ALPK2: variants seen among roughly 807,000 people sequenced by gnomAD.
ALPK2 encodes alpha-protein kinase 2.
A neutral mutation model predicts 163.1 loss-of-function variants in ALPK2; 127 were observed. The observed-to-expected ratio is 0.78, with a 90% CI of 0.67 to 0.90. ALPK2 has a LOEUF of 0.90. Among genes scored for constraint, ALPK2 ranks in the 40% least tolerant of loss-of-function variants. The pLI, the probability that ALPK2 is intolerant of heterozygous loss-of-function variation, is 0.00. For missense variants in ALPK2, 2,360 were observed against 2,589.6 expected (o/e 0.91, Z 1.92); for synonymous variants, 953 against 959.1 (o/e 0.99, Z 0.12).
chr18:58,484,697 T>C (rs928032456), intron 12 of ALPK2, among the ~76,000 whole-genome samples: 11 of 152,190 alleles, frequency 7.2e-5, no homozygotes, highest in Non-Finnish European at 1.5e-4. Context: ...TGAGACGAGA[T>C]CGCGCCACTG....
chr18:58,541,066 T>C (rs568469645), intron 4 of ALPK2, among the ~76,000 whole-genome samples: 1 of 152,358 alleles, frequency 6.6e-6, no homozygotes, highest in African/African-American at 2.4e-5. Flanking sequence ...TTGAGATTTA[T>C]TTGCACCTTT....
At chr18:58,572,119 C>T (rs1240284667) in intron 4 of ALPK2, among the ~76,000 whole-genome samples, 1 of 151,638 alleles carries the variant, frequency 6.6e-6, no homozygotes, top group Non-Finnish European at 1.5e-5. Flanking sequence ...AGAAAATATA[C>T]AACTGGCAAA....
At chr18:58,621,551 G>T (rs568079188) in intron 1 of ALPK2, among the ~76,000 whole-genome samples, 121 of 152,300 alleles carry the variant, frequency 7.9e-4, no homozygotes, top group Non-Finnish European at 5.9e-5. Flanking sequence ...GATTACAGGC[G>T]TGAGCCACTG....
chr18:58,487,487 T>C (rs1361844837), intron 12 of ALPK2, among the ~76,000 whole-genome samples: 1 of 152,200 alleles, frequency 6.6e-6, no homozygotes, highest in African/African-American at 2.4e-5. Context: ...GTGAGGCTCT[T>C]GGTTTGTGGT....
intron 4 of ALPK2, among the ~76,000 whole-genome samples, chr18:58,554,018 A>G (rs757185454): frequency 7.2e-5 from 11 of 151,742 alleles, no homozygotes; most frequent in African/African-American, 9.7e-5. Flanking sequence ...TGCGCCACAA[A>G]GCCTGGCTAA....
At chr18:58,545,897 A>C (rs1414006570) in intron 4 of ALPK2, among the ~76,000 whole-genome samples, 1 of 152,152 alleles carries the variant, frequency 6.6e-6, no homozygotes, top group African/African-American at 2.4e-5. Flanking sequence ...AACCTTTCCT[A>C]AATATCTGCT....
rs138103124 is a variant in ALPK2 at position 58,538,011 on chromosome 18, C to G, written c.2176G>C (p.Asp726His). Residue 726 changes from aspartate to histidine, a missense_variant, in exon 5 of 13, where the codon GAT becomes CAT. By Grantham distance (81) the Asp-to-His change is moderately conservative. Coordinates refer to ENST00000361673, the MANE Select transcript of ALPK2 (RefSeq NM_052947.4). ...CTGAAATTGTCAGGTATGTTGCCAT[C>G]TCTGTCTTGTTTTTCTTCATGCTGT... The part of the protein sequence containing the change: ...GPQHEEKQDR[D>H]GNIPDNFRED... 6.2e-7 allele frequency: 1 copy of G among 1,614,092 alleles called. No individual in the cohort carries two copies. The highest frequency in any genetic ancestry group is 8.5e-7 in the Non-Finnish European group (1 of 1,180,040).
intron 11 of ALPK2, among the ~76,000 whole-genome samples, chr18:58,499,400 G>A (rs2051419970): frequency 6.6e-6 from 1 of 152,162 alleles, no homozygotes; most frequent in Non-Finnish European, 1.5e-5. Context: ...GTAGTGGAAA[G>A]AGCCACCCTC....
At chr18:58,554,808 G>A (rs2051781193) in intron 4 of ALPK2, among the ~76,000 whole-genome samples, 1 of 152,096 alleles carries the variant, frequency 6.6e-6, no homozygotes, top group Admixed American at 6.5e-5. Flanking sequence ...TTGAATTGTA[G>A]CTCCCATAAT....
chr18:58,517,833 A>T (rs925320574), intron 8 of ALPK2, among the ~76,000 whole-genome samples: 1 of 152,258 alleles, frequency 6.6e-6, no homozygotes, highest in Non-Finnish European at 1.5e-5. Flanking sequence ...AAAACAAAAA[A>T]ATAATAAAAA....
chr18:58,522,346 G>A (rs899988451), intron 8 of ALPK2, among the ~76,000 whole-genome samples: 2 of 152,154 alleles, frequency 1.3e-5, no homozygotes, highest in Non-Finnish European at 2.9e-5. Context: ...CCAACCCTCA[G>A]CATGTTGTTA....
chr18:58,497,457 G>T (rs947530278), intron 12 of ALPK2, among the ~76,000 whole-genome samples: 4 of 152,152 alleles, frequency 2.6e-5, no homozygotes, highest in African/African-American at 9.7e-5. Context: ...CCAGTAAAAT[G>T]TGATCATAGC....
chr18:58,590,046 C>T (rs997397065), intron 3 of ALPK2, among the ~76,000 whole-genome samples: 4 of 151,766 alleles, frequency 2.6e-5, no homozygotes, highest in Non-Finnish European at 5.9e-5. Flanking sequence ...GTTGAAACCT[C>T]GTCTTTACTA....
chr18:58,547,857 A>G (rs1308243074), intron 4 of ALPK2, among the ~76,000 whole-genome samples: 1 of 152,224 alleles, frequency 6.6e-6, no homozygotes, highest in African/African-American at 2.4e-5. Context: ...ACGTCCCACA[A>G]ACTGAAACTT....
At chr18:58,616,781 G>T (rs1198396106) in intron 1 of ALPK2, among the ~76,000 whole-genome samples, 2 of 152,142 alleles carry the variant, frequency 1.3e-5, no homozygotes, top group Non-Finnish European at 2.9e-5. Flanking sequence ...CAGTAAATGT[G>T]TTTCCCTGAG....
rs556007492 is a variant in ALPK2, at chr18:58,549,241, A to G, written c.1963-11017T>C. ...CAGGCACCATGCACTGAAAGTGAGG[A>G]TGTCCAGTTTACCCTGGGCACAGAG... On this transcript the variant is annotated intron_variant, in intron 4 of 12. Transcript: ENST00000361673. Among the ~76,000 whole-genome samples, 19 of 152,338 alleles carry G rather than the reference A, an allele frequency of 1.2e-4. 1 individual carries two copies. In the South Asian group the frequency reaches 3.9e-3, roughly 32 times the overall value.
intron 2 of ALPK2, among the ~76,000 whole-genome samples, chr18:58,611,203 A>G (rs2052128702): frequency 6.6e-6 from 1 of 151,198 alleles, no homozygotes; most frequent in African/African-American, 2.4e-5. Context: ...GTTTGAACCC[A>G]GGAGGCGGGG....
Position 58,516,898 on chromosome 18 carries a change from A to G in ALPK2, c.5940+10T>C. Reference sequence around the variant, plus strand: ...ACCAGAAGTGACAGCCTTTGGGCAGATGGACCCACCTGGGCAGCGAGTTTG... The same window carrying G: ...ACCAGAAGTGACAGCCTTTGGGCAGGTGGACCCACCTGGGCAGCGAGTTTG... On this transcript the variant is annotated intron_variant, in intron 9 of 12. Transcript: ENST00000361673. The G allele has an allele frequency of 6.2e-7, 1 of 1,610,168 alleles. No individual in the cohort carries two copies. The highest frequency in any genetic ancestry group is 2.2e-5 in the East Asian group (1 of 44,744).
rs34957175 is a variant in ALPK2, at chr18:58,573,344, A to G, written c.1962+5470T>C. Among the ~76,000 whole-genome samples, 249 of 108,562 alleles carry G rather than the reference A, an allele frequency of 2.3e-3. 5 individuals are homozygous for G. The highest frequency in any genetic ancestry group is 7.6e-3 in the African/African-American group (237 of 31,200). The allele number at this position is 108,562 out of a possible 152,430, so 71.2% of individuals were successfully genotyped here. A position where few individuals can be genotyped will look rare whatever the true frequency, so the allele number is the denominator to read the frequency against. On this transcript the variant is annotated intron_variant, in intron 4 of 12. Transcript: ENST00000361673. ...TATATATGTATATATGTGTATATAT[A>G]TGTATATATATATGTGTGTGTATAT...
Sources: gnomAD v4.1 joint callset for allele counts (sites outside exome capture counted in the v4.1 genomes callset) on GRCh38, gnomAD v4.1.1 for gene constraint, MANE v1.5 for transcripts, NCBI Gene and HGNC (gene_info 2026-07-23, HGNC 2026-07-21) for gene names.